The following ADAMTSL3 variants were observed in gnomAD, a reference collection of about 807,000 sequenced individuals.
The protein encoded by ADAMTSL3 is ADAMTS-like protein 3.
In ADAMTSL3, 128 loss-of-function variants were observed where a neutral mutation model predicts 201.7. The observed-to-expected ratio is 0.63, with a 90% confidence interval of 0.55 to 0.73. The LOEUF (loss-of-function observed/expected upper bound fraction) is 0.73. Ranked by LOEUF, ADAMTSL3 falls within the 30% of genes least tolerant of loss-of-function variation. ADAMTSL3 has a pLI of 0.00. For synonymous variants in ADAMTSL3, 738 were observed against 748.4 expected (o/e 0.99, Z 0.23); for missense variants, 1,990 against 2,119.6 (o/e 0.94, Z 1.20).
chr15:83,858,888 T>G lies in ADAMTSL3; in HGVS notation c.802+48T>G, dbSNP rs753287669. 7 of 1,510,300 alleles carry G rather than the reference T, an allele frequency of 4.6e-6. No homozygotes were observed. The Admixed American group carries it at 1.5e-4, about 32-fold the overall frequency. 93.6% of individuals were successfully genotyped at this position (1,510,300 alleles called of 1,614,324 possible). ...ATTTTTTAATATCCTGAAAGTTTAG[T>G]TAGCCAAAAAAAACAAAAAACAAAA... On this transcript the variant is annotated intron_variant, in intron 8 of 29. Coordinates refer to ENST00000286744, the MANE Select transcript of ADAMTSL3 (RefSeq NM_207517.3).
At chr15:83,857,241 C>T (rs1277038739) in intron 7 of ADAMTSL3, among the ~76,000 whole-genome samples, 1 of 152,054 alleles carries the variant, frequency 6.6e-6, no homozygotes, top group African/African-American at 2.4e-5. Flanking sequence ...ATGTGATTTG[C>T]AAATGTTTTC....
rs1330073945 is a variant in ADAMTSL3, at chr15:83,822,247, T to C, written c.600+2200T>C. Among the ~76,000 whole-genome samples the C allele has an allele frequency of 5.8e-5, 8 of 138,304 alleles. No individual in the cohort carries two copies. In the East Asian group the frequency reaches 1.1e-3, roughly 20 times the overall value. The allele number at this position is 138,304 out of a possible 152,430, so 90.7% of individuals were successfully genotyped here. ...CTCCTCACTTCCCAGACGGGGTGGC[T>C]GCTGGGCGGAGGGGCTCCTCACTTC... On this transcript the variant is annotated intron_variant, in intron 6 of 29. Coordinates refer to ENST00000286744, the MANE Select transcript of ADAMTSL3 (RefSeq NM_207517.3).
At chr15:83,906,622 C>CCACACACACACA (rs1157198460) in intron 15 of ADAMTSL3, among the ~76,000 whole-genome samples, 1 of 79,036 alleles carries the variant, frequency 1.3e-5, no homozygotes, top group Non-Finnish European at 2.3e-5. Flanking sequence ...GTGCCACACA[C>CCACACACACACA]CACACACACA....
chr15:83,891,268 C>A, intron 11 of ADAMTSL3, 61 bp from the exon 12 acceptor site: 1 of 1,326,058 alleles, frequency 7.5e-7, no homozygotes, highest in South Asian at 1.2e-5. Context: ...TTATATTCGT[C>A]AATTAATGAA....
chr15:83,931,243 T>C (rs1054333859), intron 17 of ADAMTSL3, among the ~76,000 whole-genome samples: 2 of 152,200 alleles, frequency 1.3e-5, no homozygotes, highest in African/African-American at 4.8e-5. Context: ...GAGGCAATAG[T>C]GATGTGTTTC....
At chr15:83,748,085 A>G (rs1441893672) in intron 3 of ADAMTSL3, among the ~76,000 whole-genome samples, 1 of 152,150 alleles carries the variant, frequency 6.6e-6, no homozygotes, top group Non-Finnish European at 1.5e-5. Flanking sequence ...CCCATGTTTG[A>G]GAATACAAAT....
intron 4 of ADAMTSL3, among the ~76,000 whole-genome samples, chr15:83,785,875 A>C (rs975031804): frequency 1.3e-5 from 2 of 149,980 alleles, no homozygotes; most frequent in East Asian, 3.9e-4. Context: ...AGACAGTCTC[A>C]CTCTGTCACC....
intron 2 of ADAMTSL3, among the ~76,000 whole-genome samples, chr15:83,696,779 G>GC (rs1182468607): frequency 6.6e-6 from 1 of 152,172 alleles, no homozygotes; most frequent in Non-Finnish European, 1.5e-5. Context: ...TTGTGAGCAT[G>GC]CCCCACAAAT....
intron 23 of ADAMTSL3, among the ~76,000 whole-genome samples, chr15:83,998,127 T>G (rs1418374204): frequency 6.6e-6 from 1 of 152,086 alleles, no homozygotes; most frequent in Non-Finnish European, 1.5e-5. Context: ...AAAAATCCAG[T>G]TACCTATATG....
chr15:84,024,634 G>A (rs1182233946), intron 26 of ADAMTSL3, among the ~76,000 whole-genome samples: 1 of 152,180 alleles, frequency 6.6e-6, no homozygotes, highest in Admixed American at 6.5e-5. Context: ...AACAGACAAA[G>A]CACTCAATAT....
At chr15:83,768,631 A>G (rs1456173833) in intron 3 of ADAMTSL3, among the ~76,000 whole-genome samples, 2 of 152,232 alleles carry the variant, frequency 1.3e-5, no homozygotes, top group Non-Finnish European at 2.9e-5. Context: ...GTAGAAGAGG[A>G]TCAAGGCTCT....
chr15:83,959,063 A>G (rs1444452020), intron 19 of ADAMTSL3, among the ~76,000 whole-genome samples: 1 of 152,218 alleles, frequency 6.6e-6, no homozygotes, highest in African/African-American at 2.4e-5. Flanking sequence ...ACAAAACTTA[A>G]TGGCTCAAAT....
intron 23 of ADAMTSL3, 131 bp from the exon 24 acceptor site, chr15:84,014,411 A>G: frequency 1.2e-6 from 1 of 827,306 alleles, no homozygotes; most frequent in Non-Finnish European, 1.9e-6. Context: ...AGAAATAGCC[A>G]TTTTTCCTAT....
rs2061050190 is a variant in ADAMTSL3 at position 83,654,577 on chromosome 15, A to G, written c.-34+301A>G. On this transcript the variant is annotated intron_variant, in intron 1 of 29. Transcript: ENST00000286744. This position sits in a 1 kb window ranked among gnomAD's most constrained non-coding sequence, Gnocchi z 5.3. ...GAACTCCACAGGGTTGGAGTTTTTC[A>G]GGATTGGGAGTTACTAAGCAGAAAC... 1.3e-5 allele frequency among the ~76,000 whole-genome samples: 2 copies of G among 152,054 alleles called. No individual in the cohort carries two copies. The highest frequency in any genetic ancestry group is 2.9e-5 in the Non-Finnish European group (2 of 68,006).
At chr15:83,788,564 T>C (rs1324034327) in intron 4 of ADAMTSL3, among the ~76,000 whole-genome samples, 1 of 152,218 alleles carries the variant, frequency 6.6e-6, no homozygotes, top group Admixed American at 6.5e-5. Context: ...TCAAGTAATG[T>C]TACTGAGAAA....
chr15:83,898,603 A>G (rs1299746960), intron 14 of ADAMTSL3, among the ~76,000 whole-genome samples: 2 of 152,176 alleles, frequency 1.3e-5, no homozygotes, highest in Non-Finnish European at 2.9e-5. Context: ...GTTCCACATG[A>G]AAGAGCAGAA....
At chr15:83,928,997 A>G (rs148267645) in intron 17 of ADAMTSL3, among the ~76,000 whole-genome samples, 146 of 152,272 alleles carry the variant, frequency 9.6e-4, no homozygotes, top group African/African-American at 3.3e-3. Context: ...TAATTCAGAT[A>G]TGTTTTACCT....
intron 2 of ADAMTSL3, among the ~76,000 whole-genome samples, chr15:83,687,140 G>A (rs2141442637): frequency 6.6e-6 from 1 of 152,274 alleles, no homozygotes; most frequent in African/African-American, 2.4e-5. Context: ...GGAGTTTGAA[G>A]TTGCAGTGAG....
chr15:83,706,171 C>A (rs183729336), intron 3 of ADAMTSL3, among the ~76,000 whole-genome samples: 3 of 152,050 alleles, frequency 2.0e-5, no homozygotes. Flanking sequence ...TTGAGAGGGC[C>A]GTAAAGGATA....
Sources: allele counts gnomAD v4.1 joint callset (sites outside exome capture counted in the v4.1 genomes callset), GRCh38; gene constraint gnomAD v4.1.1; non-coding constraint Gnocchi (gnomAD v3.1); transcripts MANE v1.5; gene names NCBI Gene and HGNC (gene_info 2026-07-23, HGNC 2026-07-21).